Variants in ADD2 observed in about 807,000 individuals in gnomAD.
The protein encoded by ADD2 is beta-adducin.
Under a neutral mutation model 83.0 loss-of-function variants are expected in ADD2, and 23 were observed. That is an observed-to-expected ratio of 0.28 (90% CI 0.20 to 0.39). The LOEUF (loss-of-function observed/expected upper bound fraction) is 0.39. Among genes scored for constraint, ADD2 ranks in the 10% least tolerant of loss-of-function variants. ADD2 has a pLI of 1.00. For synonymous variants in ADD2, 375 were observed against 375.4 expected (o/e 1.00, Z 0.01); for missense variants, 758 against 944.9 (o/e 0.80, Z 2.59).
At chr2:70,749,858 C>T (rs541818169) in intron 1 of ADD2, among the ~76,000 whole-genome samples, 57 of 152,320 alleles carry the variant, frequency 3.7e-4, no homozygotes, top group African/African-American at 1.3e-3. Context: ...CCCCGGGTTG[C>T]CAACCTCTGG....
In ADD2 at chr2:70,752,043, G is replaced by T. The variant is rs114928586; in HGVS notation, c.-154+15843C>A. Among the ~76,000 whole-genome samples the T allele has an allele frequency of 2.4e-3, 361 of 152,262 alleles. 3 individuals are homozygous for T. Among genetic ancestry groups the T allele is most frequent in the South Asian group, 0.016 (76 of 4,830 alleles). On this transcript the variant is annotated intron_variant, in intron 1 of 15. Transcript: ENST00000264436. The stretch of plus-strand genomic sequence containing the variant: ...ATTTTTAGTGCCTTAAATGCATATA[G>T]CCTTTGTCAAAAATGGTTTCAAGCC...
intron 1 of ADD2, among the ~76,000 whole-genome samples, chr2:70,743,012 C>T (rs1289158755): frequency 1.3e-5 from 2 of 152,170 alleles, no homozygotes; most frequent in Admixed American, 1.3e-4. Flanking sequence ...GAGAATCTTG[C>T]TTCAAAAATA....
intron 1 of ADD2, among the ~76,000 whole-genome samples, chr2:70,713,565 C>T (rs563895952): frequency 5.4e-4 from 82 of 152,240 alleles, no homozygotes; most frequent in African/African-American, 1.9e-3. Context: ...GAGCCAAGAT[C>T]GCGCCACTGC....
intron 1 of ADD2, among the ~76,000 whole-genome samples, chr2:70,731,629 G>A (rs1553379296): frequency 2.0e-5 from 3 of 152,136 alleles, no homozygotes; most frequent in African/African-American, 7.2e-5. Flanking sequence ...TGCAAGCAGA[G>A]GACACCTCAA....
chr2:70,667,546 TG>T (rs1416672242), intron 15 of ADD2, among the ~76,000 whole-genome samples: 1 of 152,200 alleles, frequency 6.6e-6, no homozygotes, highest in African/African-American at 2.4e-5. Context: ...TGTGTCAGCT[TG>T]ACTGGGTAAG....
rs1218077630 is a variant in ADD2 at position 70,690,984 on chromosome 2, G to C, written c.706-55C>G. The C allele has an allele frequency of 5.7e-6, 9 of 1,568,856 alleles. No individual in the cohort carries two copies. In the African/African-American group the frequency reaches 1.1e-4, roughly 19 times the overall value. ...TGCAGCCCTCCCTGCCCTTTCCTCA[G>C]AGCAGCACAGTCCAGCTCTACTCTG... is the stretch of plus-strand genomic sequence containing the variant. On this transcript the variant is annotated intron_variant, in intron 7 of 15. Transcript: ENST00000264436.
At chr2:70,695,684 C>T (rs1671270601) in intron 6 of ADD2, 37 bp downstream of exon 6, 2 of 1,588,794 alleles carry the variant, frequency 1.3e-6, no homozygotes, top group Non-Finnish European at 8.6e-7. Context: ...GCTGTCATTT[C>T]AATAAGGAGT....
chr2:70,756,229 T>A (rs1674781969), intron 1 of ADD2, among the ~76,000 whole-genome samples: 1 of 152,156 alleles, frequency 6.6e-6, no homozygotes, highest in African/African-American at 2.4e-5. Flanking sequence ...TAACTCTTTA[T>A]CTCAAAATAG....
rs782536643 is a variant in ADD2 at position 70,690,945 on chromosome 2, G to C, written c.706-16C>G. The stretch of plus-strand genomic sequence containing the variant: ...TGGCCGACACCTTAGAGAGACAATG[G>C]CATGGTTAGCACCTGCAGCCCTCCC... On this transcript the variant is annotated splice_polypyrimidine_tract_variant and intron_variant, in intron 7 of 15. Coordinates refer to ENST00000264436, the MANE Select transcript of ADD2 (RefSeq NM_001617.4). 2.1e-5 allele frequency: 33 copies of C among 1,604,766 alleles called. No homozygotes were observed. The highest frequency in any genetic ancestry group is 2.6e-5 in the Non-Finnish European group (30 of 1,175,826).
chr2:70,698,633 T>G (rs570381536), intron 4 of ADD2, among the ~76,000 whole-genome samples: 2 of 152,346 alleles, frequency 1.3e-5, no homozygotes, highest in African/African-American at 4.8e-5. Context: ...TTATCCTGAT[T>G]TGATCATTAT....
chr2:70,671,695 T>C (rs768760553), intron 15 of ADD2, among the ~76,000 whole-genome samples: 8 of 152,104 alleles, frequency 5.3e-5, no homozygotes, highest in Non-Finnish European at 7.4e-5. Context: ...ACAGTCGGGG[T>C]ACATCCACTT....
At chr2:70,664,371 A>G (rs1675670261) in intron 15 of ADD2, among the ~76,000 whole-genome samples, 1 of 152,128 alleles carries the variant, frequency 6.6e-6, no homozygotes, top group Non-Finnish European at 1.5e-5. Flanking sequence ...CCACCTGGGA[A>G]TCTGTCGGGA....
chr2:70,711,400 A>G (rs1456641352), intron 2 of ADD2: 5 of 152,108 alleles, frequency 3.3e-5, no homozygotes, highest in African/African-American at 9.7e-5. Context: ...CAAGCACATG[A>G]TTAGAAGCCT....
chr2:70,666,538 C>T (rs966361599), intron 15 of ADD2, among the ~76,000 whole-genome samples: 2 of 152,186 alleles, frequency 1.3e-5, no homozygotes, highest in African/African-American at 2.4e-5. Context: ...TGACCCTTGG[C>T]GCTCTCCTCT....
intron 1 of ADD2, among the ~76,000 whole-genome samples, chr2:70,729,315 C>G (rs1311271961): frequency 6.6e-6 from 1 of 152,232 alleles, no homozygotes; most frequent in African/African-American, 2.4e-5. Context: ...CTTCCTCCCT[C>G]TGCCTCAGGG....
At chr2:70,737,366 A>G (rs1673625766) in intron 1 of ADD2, among the ~76,000 whole-genome samples, 2 of 152,220 alleles carry the variant, frequency 1.3e-5, no homozygotes, top group African/African-American at 4.8e-5. Flanking sequence ...AAAATGTGGC[A>G]CATATACACA....
At chr2:70,751,676 A>G (rs116460606) in intron 1 of ADD2, among the ~76,000 whole-genome samples, 1,618 of 152,330 alleles carry the variant, frequency 0.011, 35 homozygotes, top group Non-Finnish European at 0.011. Context: ...CTCTTCTCCA[A>G]TCGAAACAAC....
Position 70,678,692 on chromosome 2 carries a change from G to T in ADD2, c.1383+12C>A. The T allele has an allele frequency of 6.5e-7, 1 of 1,543,698 alleles. No homozygotes were observed. Reference sequence around the variant, plus strand: ...CCCTCTCTGCCCGGGTCTGTCCTGGGCTCCCCCTTACCGTGGTCTTGGGTC... The same window carrying T: ...CCCTCTCTGCCCGGGTCTGTCCTGGTCTCCCCCTTACCGTGGTCTTGGGTC... On this transcript the variant is annotated intron_variant, in intron 11 of 15. Transcript: ENST00000264436.
chr2:70,760,697 T>C (rs1453256509), intron 1 of ADD2: 2 of 152,220 alleles, frequency 1.3e-5, no homozygotes, highest in African/African-American at 4.8e-5. Flanking sequence ...GTCCTGCTTC[T>C]TGACCTGCAT....
Sources: allele counts gnomAD v4.1 joint callset (sites outside exome capture counted in the v4.1 genomes callset), GRCh38; gene constraint gnomAD v4.1.1; transcripts MANE v1.5; gene names NCBI Gene and HGNC (gene_info 2026-07-23, HGNC 2026-07-21).